SLC16A10: variants seen among roughly 807,000 people sequenced by gnomAD.
SLC16A10 encodes monocarboxylate transporter 10.
SLC16A10 carries 27 observed loss-of-function variants against 40.0 expected under a neutral mutation model. That is an observed-to-expected ratio of 0.67 (90% CI 0.50 to 0.93). The LOEUF (loss-of-function observed/expected upper bound fraction) is 0.93. Among genes scored for constraint, SLC16A10 ranks in the 40% least tolerant of loss-of-function variants. The pLI, the probability that SLC16A10 is intolerant of heterozygous loss-of-function variation, is 0.00. For synonymous variants in SLC16A10, 213 were observed against 249.8 expected, an observed-to-expected ratio of 0.85 and a Z score of 1.39; for missense variants, 529 against 658.2, an observed-to-expected ratio of 0.80 and a Z score of 2.15.
intron 1 of SLC16A10, among the ~76,000 whole-genome samples, chr6:111,162,994 A>G (rs1315692433): frequency 1.1e-4 from 17 of 152,050 alleles, no homozygotes; most frequent in Admixed American, 1.1e-3. Context: ...GCACCTGTCA[A>G]AGTCCCATAG....
rs1771064247 is a variant in SLC16A10 at position 111,229,246 on chromosome 6, T to A, written c.*7011T>A. 2.0e-5 allele frequency: 3 copies of A among 152,204 alleles called. No individual in the cohort carries two copies. In the South Asian group the frequency reaches 6.2e-4, roughly 31 times the overall value. The allele number at this position is 152,204 out of a possible 1,614,324, so 9.4% of individuals were successfully genotyped here. ...AACGTTATGCATGTTGCATGTTATA[T>A]ACATGACTGAGGAAAAAAGCTCACC... On this transcript the variant is annotated 3_prime_UTR_variant, in exon 6 of 6. Transcript: ENST00000368851.
intron 3 of SLC16A10, among the ~76,000 whole-genome samples, chr6:111,192,987 T>C (rs1773021239): frequency 1.3e-5 from 2 of 152,234 alleles, no homozygotes; most frequent in Admixed American, 1.3e-4. Context: ...TTATCTCTTC[T>C]AATAATACAC....
At chr6:111,099,076 A>G (rs1771126817) in intron 1 of SLC16A10, among the ~76,000 whole-genome samples, 1 of 152,194 alleles carries the variant, frequency 6.6e-6, no homozygotes, top group Non-Finnish European at 1.5e-5. Flanking sequence ...CCATATTTTG[A>G]TATTGGTTCA....
chr6:111,207,300 G>A (rs1773271491), intron 4 of SLC16A10, among the ~76,000 whole-genome samples: 1 of 152,122 alleles, frequency 6.6e-6, no homozygotes, highest in South Asian at 2.1e-4. Context: ...ATGTTTTTTG[G>A]TGTAGTTCTC....
At chr6:111,159,695 T>G (rs78433223) in intron 1 of SLC16A10, among the ~76,000 whole-genome samples, 5,834 of 152,270 alleles carry the variant, frequency 0.038, 159 homozygotes, top group Non-Finnish European at 0.059. Flanking sequence ...TATGGTAGGT[T>G]TATGTTTAAC....
At chr6:111,103,295 G>T (rs1179969353) in intron 1 of SLC16A10, among the ~76,000 whole-genome samples, 1 of 151,998 alleles carries the variant, frequency 6.6e-6, no homozygotes, top group Non-Finnish European at 1.5e-5. Context: ...TTGGCTTACG[G>T]CCACTTCCAC....
chr6:111,193,920 C>T (rs988706218), intron 3 of SLC16A10, among the ~76,000 whole-genome samples: 19 of 152,288 alleles, frequency 1.2e-4, no homozygotes, highest in African/African-American at 4.6e-4. Context: ...GTGGATTTAT[C>T]TACAAAATAC....
At chr6:111,161,596 T>C (rs536787121) in intron 1 of SLC16A10, among the ~76,000 whole-genome samples, 18 of 152,170 alleles carry the variant, frequency 1.2e-4, no homozygotes, top group African/African-American at 4.3e-4. Flanking sequence ...GAGGCCTATC[T>C]AAGGGTCCCC....
intron 1 of SLC16A10, among the ~76,000 whole-genome samples, chr6:111,094,209 G>C (rs1771032395): frequency 6.6e-6 from 1 of 152,138 alleles, no homozygotes; most frequent in South Asian, 2.1e-4. Context: ...TCAGCCCCTG[G>C]CCATATACTT....
At chr6:111,106,134 A>G (rs953071054) in intron 1 of SLC16A10, among the ~76,000 whole-genome samples, 3 of 152,198 alleles carry the variant, frequency 2.0e-5, no homozygotes, top group African/African-American at 7.2e-5. Flanking sequence ...TAGGGAAGGG[A>G]AGAAAAGGAA....
intron 4 of SLC16A10, among the ~76,000 whole-genome samples, chr6:111,217,079 T>A (rs1421955692): frequency 6.6e-6 from 1 of 152,228 alleles, no homozygotes; most frequent in Non-Finnish European, 1.5e-5. Flanking sequence ...CTGCTTTATC[T>A]GGTCTCTCCT....
chr6:111,209,867 T>C (rs1332225226), intron 4 of SLC16A10, among the ~76,000 whole-genome samples: 1 of 152,126 alleles, frequency 6.6e-6, no homozygotes, highest in Non-Finnish European at 1.5e-5. Context: ...AAATTGATCA[T>C]GATCATTTGA....
At chr6:111,136,813 T>C (rs1298764206) in intron 1 of SLC16A10, among the ~76,000 whole-genome samples, 1 of 152,172 alleles carries the variant, frequency 6.6e-6, no homozygotes, top group African/African-American at 2.4e-5. Flanking sequence ...GAACTAGTGC[T>C]CAGCTGGCAG....
Position 111,206,749 on chromosome 6 carries a change from C to T in SLC16A10, c.1086+14C>T. On this transcript the variant is annotated intron_variant, in intron 4 of 5. Coordinates refer to ENST00000368851, the MANE Select transcript of SLC16A10 (RefSeq NM_018593.5). Reference sequence around the variant, plus strand: ...GTTTATCTACAGGTACTTTTTTACACCTTTTTTCCCCTATCAAAAATTACT... The same window carrying T: ...GTTTATCTACAGGTACTTTTTTACATCTTTTTTCCCCTATCAAAAATTACT... 1.2e-6 allele frequency: 2 copies of T among 1,606,586 alleles called. No individual in the cohort carries two copies. Among genetic ancestry groups the T allele is most frequent in the Non-Finnish European group, 1.7e-6 (2 of 1,178,052 alleles).
chr6:111,169,002 G>C (rs556398725), intron 1 of SLC16A10, among the ~76,000 whole-genome samples: 12 of 152,106 alleles, frequency 7.9e-5, no homozygotes, highest in Non-Finnish European at 1.3e-4. Context: ...GCTTGAGAGG[G>C]ACGACTTAAG....
intron 1 of SLC16A10, among the ~76,000 whole-genome samples, chr6:111,123,512 A>T (rs189206525): frequency 1.3e-5 from 2 of 152,306 alleles, no homozygotes; most frequent in East Asian, 3.9e-4. Flanking sequence ...CCACTTCCTC[A>T]GTGTCTAATT....
At chr6:111,088,832 T>C (rs1770922366) in intron 1 of SLC16A10, among the ~76,000 whole-genome samples, 1 of 152,196 alleles carries the variant, frequency 6.6e-6, no homozygotes, top group Non-Finnish European at 1.5e-5. Flanking sequence ...TTTCTCCCTG[T>C]AGAGCATTAT....
intron 1 of SLC16A10, among the ~76,000 whole-genome samples, chr6:111,128,426 A>G (rs2114484863): frequency 6.6e-6 from 1 of 152,320 alleles, no homozygotes; most frequent in South Asian, 2.1e-4. Flanking sequence ...CTTCACAATC[A>G]TATGTTTAAT....
chr6:111,138,916 C>T (rs1465372518), intron 1 of SLC16A10, among the ~76,000 whole-genome samples: 1 of 152,122 alleles, frequency 6.6e-6, no homozygotes, highest in Non-Finnish European at 1.5e-5. Flanking sequence ...TAGCTCACCT[C>T]ACATCCTCCA....
Sources: gnomAD v4.1 joint callset for allele counts (sites outside exome capture counted in the v4.1 genomes callset) on GRCh38, gnomAD v4.1.1 for gene constraint, MANE v1.5 for transcripts, NCBI Gene and HGNC (gene_info 2026-07-23, HGNC 2026-07-21) for gene names.